EPHA6: variants seen among roughly 807,000 people sequenced by gnomAD.
EPHA6 encodes the protein ephrin type-A receptor 6.
A neutral mutation model predicts 112.0 loss-of-function variants in EPHA6; 50 were observed. The observed-to-expected ratio is 0.45, with a 90% CI of 0.36 to 0.56. EPHA6 has a LOEUF of 0.56. EPHA6 is among the 20% of genes least tolerant of loss of function. EPHA6 has a pLI of 0.00. For missense variants in EPHA6, 1,280 were observed against 1,417.4 expected, an observed-to-expected ratio of 0.90 and a Z score of 1.56; for synonymous variants, 529 against 490.7, an observed-to-expected ratio of 1.08 and a Z score of -1.03.
At chr3:97,664,298 T>A (rs982641928) in intron 14 of EPHA6, among the ~76,000 whole-genome samples, 15 of 152,208 alleles carry the variant, frequency 9.9e-5, no homozygotes, top group Admixed American at 6.5e-5. Flanking sequence ...CTGTTCACTC[T>A]GATGGTAGTT....
At chr3:97,368,963 A>G (rs950479747) in intron 5 of EPHA6, among the ~76,000 whole-genome samples, 4 of 152,208 alleles carry the variant, frequency 2.6e-5, no homozygotes, top group African/African-American at 9.6e-5. Flanking sequence ...TTTTGTATGC[A>G]AAGGTTAAAG....
chr3:96,945,289 G>T (rs2041194958), intron 2 of EPHA6, among the ~76,000 whole-genome samples: 1 of 152,068 alleles, frequency 6.6e-6, no homozygotes. Context: ...CTGTTTTCCT[G>T]TATAGACCTG....
chr3:96,947,224 CT>C (rs1285115062), intron 2 of EPHA6, among the ~76,000 whole-genome samples: 1 of 152,086 alleles, frequency 6.6e-6, no homozygotes, highest in Non-Finnish European at 1.5e-5. Flanking sequence ...GTTGCCATTG[CT>C]TTTGGTGTTT....
intron 11 of EPHA6, among the ~76,000 whole-genome samples, chr3:97,548,477 A>T (rs2092987975): frequency 6.6e-6 from 1 of 152,132 alleles, no homozygotes; most frequent in Admixed American, 6.5e-5. Flanking sequence ...ATTTCTTCTC[A>T]AACTTTTGTG....
At chr3:96,875,787 A>G (rs555006192) in intron 2 of EPHA6, among the ~76,000 whole-genome samples, 1 of 152,174 alleles carries the variant, frequency 6.6e-6, no homozygotes, top group South Asian at 2.1e-4. Flanking sequence ...TATGGGTCTC[A>G]TTAAGTCAAA....
chr3:97,399,135 T>C (rs1338625321), intron 5 of EPHA6, among the ~76,000 whole-genome samples: 1 of 151,506 alleles, frequency 6.6e-6, no homozygotes, highest in African/African-American at 2.4e-5. Context: ...TAACCATTAT[T>C]CTATGCTGTA....
chr3:97,010,019 G>A (rs989153300), intron 3 of EPHA6: 61 of 1,182,302 alleles, frequency 5.2e-5, no homozygotes, highest in Middle Eastern at 6.3e-4. Context: ...TCCAAAGGCC[G>A]CTGCTTCTAG....
chr3:97,189,216 T>C (rs141720663), intron 3 of EPHA6, among the ~76,000 whole-genome samples: 67 of 152,132 alleles, frequency 4.4e-4, no homozygotes, highest in Non-Finnish European at 6.9e-4. Flanking sequence ...TCAGGCTTCA[T>C]TGAAACTTTA....
At chr3:96,828,894 TACTG>T (rs1438785793) in intron 1 of EPHA6, among the ~76,000 whole-genome samples, 2 of 152,182 alleles carry the variant, frequency 1.3e-5, no homozygotes, top group Non-Finnish European at 1.5e-5. Flanking sequence ...CACATGCTGT[TACTG>T]ACAAATGAAT....
intron 1 of EPHA6, among the ~76,000 whole-genome samples, chr3:96,843,066 A>G (rs879787407): frequency 1.3e-5 from 2 of 152,094 alleles, no homozygotes; most frequent in Admixed American, 6.6e-5. Context: ...TCTAATGTGC[A>G]TCTGTGTCTA....
At chr3:97,724,641 C>A (rs1486785895) in intron 15 of EPHA6, among the ~76,000 whole-genome samples, 1 of 151,944 alleles carries the variant, frequency 6.6e-6, no homozygotes, top group Non-Finnish European at 1.5e-5. Flanking sequence ...GTGGCGCACA[C>A]CTACAGTCAC....
At chr3:97,486,274 A>G (rs1480195521) in intron 10 of EPHA6, among the ~76,000 whole-genome samples, 1 of 152,210 alleles carries the variant, frequency 6.6e-6, no homozygotes, top group Non-Finnish European at 1.5e-5. Context: ...CTTTCAAACA[A>G]TATGCTAAGG....
intron 11 of EPHA6, among the ~76,000 whole-genome samples, chr3:97,542,146 C>A (rs1362872186): frequency 6.6e-6 from 1 of 151,028 alleles, no homozygotes; most frequent in Admixed American, 6.6e-5. Flanking sequence ...CAATGTGCAC[C>A]TTTGTTACAT....
intron 14 of EPHA6, among the ~76,000 whole-genome samples, chr3:97,685,146 G>A (rs1476160080): frequency 6.6e-6 from 1 of 152,102 alleles, no homozygotes; most frequent in Non-Finnish European, 1.5e-5. Flanking sequence ...TTATAAAACA[G>A]AAATAAATTT....
intron 3 of EPHA6, among the ~76,000 whole-genome samples, chr3:97,206,196 T>A (rs1282538282): frequency 1.3e-5 from 2 of 152,090 alleles, no homozygotes; most frequent in African/African-American, 4.8e-5. Flanking sequence ...TTCATCGTCT[T>A]TGTTTACTGA....
At chr3:97,525,502 T>G (rs570647673) in intron 10 of EPHA6, among the ~76,000 whole-genome samples, 3 of 152,256 alleles carry the variant, frequency 2.0e-5, no homozygotes, top group Non-Finnish European at 2.9e-5. Flanking sequence ...TCTTTTTTGG[T>G]GGGGTTGGTT....
intron 5 of EPHA6, among the ~76,000 whole-genome samples, chr3:97,340,161 C>T (rs76771959): frequency 0.018 from 2,674 of 152,244 alleles, 53 homozygotes; most frequent in Non-Finnish European, 0.026. Context: ...GAAGGATTCC[C>T]GCTAAATATT....
chr3:97,088,021 A>G (rs2046954198), intron 3 of EPHA6, among the ~76,000 whole-genome samples: 1 of 152,028 alleles, frequency 6.6e-6, no homozygotes, highest in Admixed American at 6.6e-5. Context: ...TCTCTACTAA[A>G]AATACAAAAA....
chr3:97,348,516 G>T (rs1434237269), intron 5 of EPHA6, among the ~76,000 whole-genome samples: 2 of 151,360 alleles, frequency 1.3e-5, no homozygotes, highest in East Asian at 1.9e-4. Context: ...ACTTTTTCAG[G>T]TTACTTGAGA....
Sources: gnomAD v4.1 joint callset for allele counts (sites outside exome capture counted in the v4.1 genomes callset) on GRCh38, gnomAD v4.1.1 for gene constraint, MANE v1.5 for transcripts, NCBI Gene and HGNC (gene_info 2026-07-23, HGNC 2026-07-21) for gene names.